Variants in DAB2IP observed in about 807,000 individuals in gnomAD.
DAB2IP encodes disabled homolog 2-interacting protein.
DAB2IP carries 28 observed loss-of-function variants against 107.2 expected under a neutral mutation model. The observed-to-expected ratio is 0.26, with a 90% CI of 0.19 to 0.36. The LOEUF (loss-of-function observed/expected upper bound fraction) is 0.36, where lower values mean the gene tolerates loss of function less well. DAB2IP is among the 10% of genes least tolerant of loss of function. The pLI, the probability that DAB2IP is intolerant of heterozygous loss-of-function variation, is 1.00. For missense variants in DAB2IP, 1,400 were observed against 1,644.7 expected (o/e 0.85, Z 2.57); for synonymous variants, 755 against 706.4 (o/e 1.07, Z -1.09).
intron 3 of DAB2IP, among the ~76,000 whole-genome samples, chr9:121,732,942 T>TA (rs1831633019): frequency 6.6e-6 from 1 of 152,202 alleles, no homozygotes; most frequent in South Asian, 2.1e-4. Flanking sequence ...TTGGTGATGA[T>TA]AAAGCCACAC....
chr9:121,724,112 C>CTG, intron 3 of DAB2IP, among the ~76,000 whole-genome samples: 2 of 152,252 alleles, frequency 1.3e-5, no homozygotes, highest in Admixed American at 1.3e-4. Context: ...CACACCCTCA[C>CTG]TGTGTGCTGT....
rs182831111 is a variant in DAB2IP, at chr9:121,582,199, G to C, written c.40+14971G>C. Among the ~76,000 whole-genome samples the C allele has an allele frequency of 6.9e-4, 105 of 152,274 alleles. 2 individuals carry two copies. The highest frequency in any genetic ancestry group is 1.5e-3 in the South Asian group (7 of 4,826). On this transcript the variant is annotated intron_variant, in intron 1 of 16. Coordinates refer to the DAB2IP transcript ENST00000259371. ...TCAGCACAAACGGGCCATTTTCAGC[G>C]GGCCCAGAAATCAAAACATCCCGGC... is the stretch of plus-strand genomic sequence containing the variant.
intron 1 of DAB2IP, among the ~76,000 whole-genome samples, chr9:121,594,446 A>T (rs1830485762): frequency 1.3e-5 from 2 of 152,030 alleles, no homozygotes; most frequent in African/African-American, 4.8e-5. Flanking sequence ...CATGTTGACC[A>T]GGCTGGTCTC....
chr9:121,577,416 G>A (rs965999803), intron 1 of DAB2IP, among the ~76,000 whole-genome samples: 1 of 152,216 alleles, frequency 6.6e-6, no homozygotes, highest in African/African-American at 2.4e-5. Flanking sequence ...CTGTGTGTGC[G>A]CACACGGGCA....
Position 121,657,277 on chromosome 9 carries a change from G to A in DAB2IP, c.124+5378G>A, listed in dbSNP as rs147955776. ...CCCTGGAGCCTGGCAGACACCTGAG[G>A]CCTAATCCCCAGAGCTCTCTAGGTC... On this transcript the variant is annotated intron_variant, in intron 1 of 15. Coordinates refer to ENST00000408936, the Ensembl canonical transcript of DAB2IP. Among the ~76,000 whole-genome samples, 361 of 152,328 alleles carry A rather than the reference G, an allele frequency of 2.4e-3. 2 individuals carry two copies. Among genetic ancestry groups the A allele is most frequent in the African/African-American group, 8.0e-3 (334 of 41,576 alleles).
Position 121,651,764 on chromosome 9 carries a change from G to T in DAB2IP, c.-12G>T. The T allele has an allele frequency of 7.4e-7, 1 of 1,344,614 alleles. No homozygotes were observed. 83.3% of individuals were successfully genotyped at this position (1,344,614 alleles called of 1,614,324 possible). On this transcript the variant is annotated 5_prime_UTR_variant, in exon 1 of 16. Coordinates refer to ENST00000408936, the Ensembl canonical transcript of DAB2IP. The surrounding 1 kb of genome is among the most constrained non-coding windows in gnomAD (Gnocchi z 5.1). Reference sequence around the variant, plus strand: ...GCGCCCAGGCCCGGCCCGGTGCCCGGCGGGCGGCAGCATGTCCGCGGGCGG... The same window carrying T: ...GCGCCCAGGCCCGGCCCGGTGCCCGTCGGGCGGCAGCATGTCCGCGGGCGG...
chr9:121,632,613 C>A (rs78130720), intron 1 of DAB2IP, among the ~76,000 whole-genome samples: 1 of 152,170 alleles, frequency 6.6e-6, no homozygotes, highest in Non-Finnish European at 1.5e-5. Context: ...TCCCACCCCC[C>A]AGGAAGGGTC....
At chr9:121,756,235 G>T (rs1833467343) in intron 3 of DAB2IP, among the ~76,000 whole-genome samples, 1 of 152,224 alleles carries the variant, frequency 6.6e-6, no homozygotes, top group African/African-American at 2.4e-5. Flanking sequence ...GAGGAAACAG[G>T]CTCAGAGGAG....
In DAB2IP at chr9:121,632,623, C is replaced by A. The variant is rs140184136; in HGVS notation, c.41-46055C>A. 3.0e-3 allele frequency among the ~76,000 whole-genome samples: 455 copies of A among 152,294 alleles called. 1 individual carries two copies. Among genetic ancestry groups the A allele is most frequent in the African/African-American group, 0.01 (432 of 41,570 alleles). Reference sequence around the variant, plus strand: ...TAGACTCCCACCCCCCAGGAAGGGTCAAACACAAACTCCATCTCATTCCAA... The same window carrying A: ...TAGACTCCCACCCCCCAGGAAGGGTAAAACACAAACTCCATCTCATTCCAA... On this transcript the variant is annotated intron_variant, in intron 1 of 16. Transcript: ENST00000259371.
At chr9:121,607,271 GT>G (rs1184585907) in intron 1 of DAB2IP, among the ~76,000 whole-genome samples, 1 of 151,926 alleles carries the variant, frequency 6.6e-6, no homozygotes, top group African/African-American at 2.4e-5. Flanking sequence ...TGATGGTCTG[GT>G]TTTATGTTCA....
rs188510775 is a variant in DAB2IP, at chr9:121,659,687, G to A, written c.124+7788G>A. 6.6e-4 allele frequency among the ~76,000 whole-genome samples: 101 copies of A among 152,244 alleles called. No homozygotes were observed. In the East Asian group the frequency reaches 0.015, roughly 23 times the overall value. On this transcript the variant is annotated intron_variant, in intron 1 of 15. Coordinates refer to ENST00000408936, the Ensembl canonical transcript of DAB2IP. ...CAGGCTCCTGTAGTCCCAGCTACTT[G>A]GGAGGCTGAGGCAGGAGAATGGCAT...
intron 1 of DAB2IP, among the ~76,000 whole-genome samples, chr9:121,638,188 A>G (rs1262821979): frequency 6.6e-6 from 1 of 152,220 alleles, no homozygotes; most frequent in Non-Finnish European, 1.5e-5. Flanking sequence ...GAAGATAGAA[A>G]AAAATTGCAT....
At chr9:121,644,190 GGAGGAAGAA>G (rs977371240) in intron 1 of DAB2IP, among the ~76,000 whole-genome samples, 21 of 139,350 alleles carry the variant, frequency 1.5e-4, no homozygotes, top group East Asian at 6.7e-4. Context: ...AAGAAGAGGA[GGAGGAAGAA>G]GAGGAAGAAG....
chr9:121,617,387 C>G (rs903859700), intron 1 of DAB2IP, among the ~76,000 whole-genome samples: 18 of 152,172 alleles, frequency 1.2e-4, no homozygotes, highest in African/African-American at 4.3e-4. Context: ...GAAATGCTCC[C>G]CTAGCTAATT....
Position 121,634,048 on chromosome 9 carries a change from A to G in DAB2IP, c.41-44630A>G, listed in dbSNP as rs1295144288. 6.6e-6 allele frequency among the ~76,000 whole-genome samples: 1 copy of G among 152,076 alleles called. No homozygotes were observed. The highest frequency in any genetic ancestry group is 2.4e-5 in the African/African-American group (1 of 41,406). On this transcript the variant is annotated intron_variant, in intron 1 of 16. Coordinates refer to the DAB2IP transcript ENST00000259371. This position sits in a 1 kb window ranked among gnomAD's most constrained non-coding sequence, Gnocchi z 4.7. ...TGTTCGAGACTCTCTGTGGAAGCCT[A>G]TGTGTCCCACCAGACTGTCAGCTCT...
chr9:121,669,050 G>C (rs2119111835), intron 1 of DAB2IP, among the ~76,000 whole-genome samples: 1 of 151,458 alleles, frequency 6.6e-6, no homozygotes, highest in Non-Finnish European at 1.5e-5. Context: ...CAAGTAGCTA[G>C]GTTTACAGGC....
intron 1 of DAB2IP, among the ~76,000 whole-genome samples, chr9:121,641,927 TTCTTTCTTTCTC>T (rs1832316054): frequency 6.9e-6 from 1 of 144,464 alleles, no homozygotes; most frequent in African/African-American, 2.7e-5. Context: ...CTTTCTTTCT[TTCTTTCTTTCTC>T]TCTTTCTTTC....
intron 2 of DAB2IP, among the ~76,000 whole-genome samples, chr9:121,688,952 A>C (rs1483836149): frequency 1.3e-5 from 2 of 152,140 alleles, no homozygotes; most frequent in Non-Finnish European, 2.9e-5. Context: ...AGGACAGGTC[A>C]AGACAAGTGA....
intron 1 of DAB2IP, among the ~76,000 whole-genome samples, chr9:121,579,293 T>C (rs1258651666): frequency 2.0e-5 from 3 of 152,054 alleles, no homozygotes; most frequent in African/African-American, 7.3e-5. Flanking sequence ...TTATAATCAT[T>C]TGTGTTTGCC....
Sources: allele counts gnomAD v4.1 joint callset (sites outside exome capture counted in the v4.1 genomes callset), GRCh38; gene constraint gnomAD v4.1.1; non-coding constraint Gnocchi (gnomAD v3.1); transcripts MANE v1.5; gene names NCBI Gene and HGNC (gene_info 2026-07-23, HGNC 2026-07-21).